Variants in INHBA observed in about 807,000 individuals in gnomAD.
INHBA encodes the protein inhibin beta A chain.
A neutral mutation model predicts 29.0 loss-of-function variants in INHBA; 1 was observed. That is an observed-to-expected ratio of 0.03 (90% CI 0.01 to 0.16). INHBA has a LOEUF of 0.16. INHBA is among the 10% of genes least tolerant of loss of function. The probability of loss-of-function intolerance (pLI) is 1.00; values close to 1 mark genes in which losing one functional copy is unlikely to be tolerated. For missense variants in INHBA, 376 were observed against 545.4 expected (o/e 0.69, Z 3.09); for synonymous variants, 242 against 216.8 (o/e 1.12, Z -1.02).
In INHBA at chr7:41,700,484, GT is replaced by G. The variant is rs1168931621; in HGVS notation, c.-111del. The G allele has an allele frequency of 5.8e-4, 545 of 941,638 alleles. No individual in the cohort carries two copies. The highest frequency in any genetic ancestry group is 1.4e-3 in the South Asian group (50 of 35,254). 58.3% of individuals were successfully genotyped at this position (941,638 alleles called of 1,614,324 possible). ...GGATTTTTTTATTTTTTTTTTTGGT[GT>G]TTTTTTTTTCCTTCTCCTCTTCAGC... On this transcript the variant is annotated 5_prime_UTR_variant, in exon 2 of 3. Transcript: ENST00000242208.
intron 2 of INHBA, among the ~76,000 whole-genome samples, chr7:41,694,798 A>C (rs999420409): frequency 6.6e-6 from 1 of 152,060 alleles, no homozygotes; most frequent in Admixed American, 6.5e-5. Context: ...GACACATACC[A>C]AAGAGAGAGA....
At chr7:41,694,846 T>A (rs969311692) in intron 2 of INHBA, among the ~76,000 whole-genome samples, 2 of 152,182 alleles carry the variant, frequency 1.3e-5, no homozygotes, top group African/African-American at 4.8e-5. Flanking sequence ...AGAAATTTTG[T>A]ACCTCACAGG....
At chr7:41,692,585 C>T (rs1422057047) in intron 2 of INHBA, 1 of 152,324 alleles carries the variant, frequency 6.6e-6, no homozygotes, top group African/African-American at 2.4e-5. Context: ...TATAAACTTA[C>T]GAGGATGCTG....
chr7:41,702,626 C>T (rs528952767), intron 1 of INHBA, among the ~76,000 whole-genome samples: 3 of 152,318 alleles, frequency 2.0e-5, no homozygotes, highest in African/African-American at 7.2e-5. Context: ...GTCTGAAATA[C>T]AACCAAAAGT....
intron 1 of INHBA, among the ~76,000 whole-genome samples, chr7:41,702,404 C>T (rs1213625111): frequency 6.6e-6 from 1 of 152,152 alleles, no homozygotes; most frequent in Non-Finnish European, 1.5e-5. Flanking sequence ...TCAATTACTC[C>T]ACCATTATTG....
chr7:41,699,937 A>ACCCCCCCCC, intron 2 of INHBA, 50 bp downstream of exon 2: 1 of 255,224 alleles, frequency 3.9e-6, no homozygotes, highest in Non-Finnish European at 8.1e-6. Context: ...AATATATTTT[A>ACCCCCCCCC]CCCTCCCACC....
In INHBA at chr7:41,703,070, T is replaced by C. The variant is rs1049999035; in HGVS notation, c.-209A>G. 1.3e-5 allele frequency: 2 copies of C among 152,224 alleles called. No homozygotes were observed. Among genetic ancestry groups the C allele is most frequent in the Non-Finnish European group, 2.9e-5 (2 of 68,040 alleles). The allele number at this position is 152,224 out of a possible 1,614,324, so 9.4% of individuals were successfully genotyped here. A position where few individuals can be genotyped will look rare whatever the true frequency, so the allele number is the denominator to read the frequency against. ...ATGTGGTAAGAGCTGTCTGAGCTCC[T>C]CTTCATGGTATTGGCACTGTGAAGT... On this transcript the variant is annotated 5_prime_UTR_variant, in exon 1 of 3. Coordinates refer to ENST00000242208, the MANE Select transcript of INHBA (RefSeq NM_002192.4).
At chr7:41,697,728 G>A (rs1468041058) in intron 2 of INHBA, among the ~76,000 whole-genome samples, 3 of 152,276 alleles carry the variant, frequency 2.0e-5, no homozygotes, top group South Asian at 4.1e-4. Flanking sequence ...TATTCCAAAA[G>A]CAACAAGACA....
At chr7:41,705,230 C>G (rs1202994810), upstream of INHBA, 1 of 153,336 alleles carries the variant, frequency 6.5e-6, no homozygotes, top group Non-Finnish European at 1.4e-5. Context: ...TCCCCCGGAG[C>G]TTCCCCGCAC....
rs1019145099 is a variant in INHBA at position 41,692,352 on chromosome 7, A to G, written c.389-1810T>C. 6 of 152,340 alleles carry G rather than the reference A, an allele frequency of 3.9e-5. No individual in the cohort carries two copies. In the East Asian group the frequency reaches 5.8e-4, roughly 15 times the overall value. 9.4% of individuals were successfully genotyped at this position (152,340 alleles called of 1,614,324 possible). ...TTCTATAGTTAACGGAAATCCAGCC[A>G]TACTTATCACTCGAGGCCCTGAGAT... is the stretch of plus-strand genomic sequence containing the variant. On this transcript the variant is annotated intron_variant, in intron 2 of 2. Transcript: ENST00000242208.
chr7:41,697,857 C>G (rs1209351134), intron 2 of INHBA, among the ~76,000 whole-genome samples: 2 of 152,160 alleles, frequency 1.3e-5, no homozygotes, highest in Admixed American at 6.5e-5. Context: ...GAAGAGTAGA[C>G]AGTCCATACA....
At chr7:41,692,552 G>A (rs1243501744) in intron 2 of INHBA, 3 of 152,318 alleles carry the variant, frequency 2.0e-5, no homozygotes, top group Admixed American at 6.5e-5. Flanking sequence ...CAGATGGATA[G>A]GAAAGGTTCT....
rs1247720880 is a variant in INHBA at position 41,688,678 on chromosome 7, G to A, written c.*972C>T. On this transcript the variant is annotated 3_prime_UTR_variant, in exon 3 of 3. Coordinates refer to ENST00000242208, the MANE Select transcript of INHBA (RefSeq NM_002192.4). ...TACTTGTTAAATAAGGATTAGACAG[G>A]TCAAACACCATTGTAGTGCAAATAG... 4 of 114,614 alleles carry A rather than the reference G, an allele frequency of 3.5e-5. No homozygotes were observed. The Admixed American group carries it at 3.6e-4, about 10-fold the overall frequency. 7.1% of individuals were successfully genotyped at this position (114,614 alleles called of 1,614,324 possible). A position where few individuals can be genotyped will look rare whatever the true frequency, so the allele number is the denominator to read the frequency against.
chr7:41,696,827 A>G (rs1583596452), intron 2 of INHBA, among the ~76,000 whole-genome samples: 1 of 152,160 alleles, frequency 6.6e-6, no homozygotes, highest in African/African-American at 2.4e-5. Flanking sequence ...GCAAACTTCT[A>G]ACTCAAATCT....
rs894581203 is a variant in INHBA at position 41,690,651 on chromosome 7, T to G, written c.389-109A>C. 1.0e-5 allele frequency: 14 copies of G among 1,350,506 alleles called. No individual in the cohort carries two copies. The African/African-American group carries it at 2.1e-4, about 20-fold the overall frequency. The allele number at this position is 1,350,506 out of a possible 1,614,324, so 83.7% of individuals were successfully genotyped here. A position where few individuals can be genotyped will look rare whatever the true frequency, so the allele number is the denominator to read the frequency against. The stretch of plus-strand genomic sequence containing the variant: ...AGGAGTCTTCTGTGACAGACCCTCT[T>G]GAATAGGGGTCAACAAATGACAGCC... On this transcript the variant is annotated intron_variant, in intron 2 of 2. Transcript: ENST00000242208.
upstream of INHBA, chr7:41,703,241 T>C (rs542971685): frequency 7.9e-5 from 12 of 152,352 alleles, no homozygotes; most frequent in African/African-American, 2.6e-4. Flanking sequence ...TAATTCATTA[T>C]CTAATGGAAA....
chr7:41,690,683 C>A, intron 2 of INHBA, 141 bp from the exon 3 acceptor site: 2 of 1,080,452 alleles, frequency 1.9e-6, no homozygotes, highest in Non-Finnish European at 2.6e-6. Context: ...AGCCCATGGG[C>A]TGAAACTGTT....
rs149050844 is a variant in INHBA, at chr7:41,689,755, C to T, written c.1176G>A (p.Val392=). The change falls in exon 3 of 3, where the codon GTG becomes GTA. Residue 392 remains valine, a synonymous_variant. Coordinates refer to ENST00000242208, the MANE Select transcript of INHBA (RefSeq NM_002192.4). ...SPFANLKSCC[V]PTKLRPMSML... is the part of the protein sequence containing the mutation. ...TGGACATGGGTCTCAGCTTGGTGGG[C>T]ACACAGCACGATTTGAGGTTGGCAA... 6.2e-7 allele frequency: 1 copy of T among 1,613,876 alleles called. No individual in the cohort carries two copies. Among genetic ancestry groups the T allele is most frequent in the African/African-American group, 1.3e-5 (1 of 74,870 alleles).
intron 1 of INHBA, among the ~76,000 whole-genome samples, chr7:41,701,173 G>A (rs926731680): frequency 1.3e-5 from 2 of 151,966 alleles, no homozygotes; most frequent in Admixed American, 6.5e-5. Context: ...CAAACACAGT[G>A]TCTCAATCAA....
Sources: allele counts gnomAD v4.1 joint callset (sites outside exome capture counted in the v4.1 genomes callset), GRCh38; gene constraint gnomAD v4.1.1; transcripts MANE v1.5; gene names NCBI Gene and HGNC (gene_info 2026-07-23, HGNC 2026-07-21).